The following COL5A3 variants were observed in gnomAD, a reference collection of about 807,000 sequenced individuals.
The protein encoded by COL5A3 is collagen type V alpha 3 chain, also known as collagen alpha-3(V) chain.
Under a neutral mutation model 250.0 loss-of-function variants are expected in COL5A3, and 172 were observed. The ratio of observed to expected loss-of-function variants is 0.69; its 90% CI spans 0.61 to 0.78. The LOEUF is 0.78. Among genes scored for constraint, COL5A3 ranks in the 30% least tolerant of loss-of-function variants. The probability of loss-of-function intolerance (pLI) is 0.00; values close to 1 mark genes in which losing one functional copy is unlikely to be tolerated. For synonymous variants in COL5A3, 937 were observed against 900.4 expected, an observed-to-expected ratio of 1.04 and a Z score of -0.73; for missense variants, 2,340 against 2,334.4, an observed-to-expected ratio of 1.00 and a Z score of -0.05.
intron 31 of COL5A3, among the ~76,000 whole-genome samples, chr19:9,984,338 T>C (rs951681009): frequency 2.0e-5 from 3 of 152,252 alleles, no homozygotes; most frequent in African/African-American, 7.2e-5. Flanking sequence ...TGTCTTTAGG[T>C]TCCTGCTCTA....
At chr19:9,969,949 G>GT (rs1568406786) in intron 54 of COL5A3, 27 bp from the exon 55 acceptor site, 5 of 1,610,404 alleles carry the variant, frequency 3.1e-6, no homozygotes, top group East Asian at 2.2e-5. Flanking sequence ...AGTGAGGGGG[G>GT]TCTAGGGGCT....
Position 9,969,564 on chromosome 19 carries a change from G to A in COL5A3, c.4098+11C>T, listed in dbSNP as rs371729529. The stretch of plus-strand genomic sequence containing the variant: ...ATCCACCCTGTCCCACCCCTGCCCC[G>A]CTCCACTCACCACAGGGCCAGGGAT... On this transcript the variant is annotated intron_variant, in intron 56 of 66. Coordinates refer to ENST00000264828, the MANE Select transcript of COL5A3 (RefSeq NM_015719.4). The A allele has an allele frequency of 3.6e-5, 58 of 1,609,732 alleles. No homozygotes were observed. The highest frequency in any genetic ancestry group is 9.4e-5 in the African/African-American group (7 of 74,866).
At chr19:10,004,289 G>A in intron 4 of COL5A3, 144 bp from the exon 5 acceptor site, 1 of 637,436 alleles carries the variant, frequency 1.6e-6, no homozygotes. Context: ...GTATAAGGAA[G>A]AGATGACCCC....
intron 19 of COL5A3, 41 bp downstream of exon 19, chr19:9,993,339 C>T (rs1341593210): frequency 6.8e-6 from 11 of 1,606,834 alleles, no homozygotes; most frequent in Non-Finnish European, 8.5e-6. Flanking sequence ...GGCTTCCAAA[C>T]TTACTTTCCA....
chr19:10,002,098 G>A (rs2087372002), intron 6 of COL5A3, among the ~76,000 whole-genome samples: 1 of 152,166 alleles, frequency 6.6e-6, no homozygotes, highest in East Asian at 1.9e-4. Context: ...GCTGAGTCAG[G>A]CTGGCCCTGA....
intron 8 of COL5A3, among the ~76,000 whole-genome samples, 179 bp downstream of exon 8, chr19:10,001,345 C>T (rs143208454): frequency 6.6e-5 from 10 of 152,234 alleles, no homozygotes; most frequent in African/African-American, 2.4e-4. Context: ...TGGGATTTCA[C>T]CACGTTGGTC....
chr19:10,003,804 C>CT, intron 5 of COL5A3, 90 bp from the exon 6 acceptor site: 5 of 1,529,534 alleles, frequency 3.3e-6, no homozygotes, highest in Non-Finnish European at 4.5e-6. Context: ...GCTCATGGCC[C>CT]GTGGGTCCTC....
intron 50 of COL5A3, among the ~76,000 whole-genome samples, chr19:9,973,256 T>C (rs908854278): frequency 3.3e-5 from 5 of 152,162 alleles, no homozygotes; most frequent in South Asian, 4.1e-4. Flanking sequence ...CTAGCCCATG[T>C]GCTGCCCTTG....
At chr19:9,969,275 T>C (rs2086795042) in intron 57 of COL5A3, 74 bp downstream of exon 57, 2 of 1,313,956 alleles carry the variant, frequency 1.5e-6, no homozygotes, top group East Asian at 4.6e-5. Flanking sequence ...CCTGCACCAA[T>C]GCTCACTAGG....
rs756271461 is a variant in COL5A3, at chr19:9,979,868, G to T, written c.2683C>A (p.Pro895Thr). 46 of 1,577,036 alleles carry T rather than the reference G, an allele frequency of 2.9e-5. No homozygotes were observed. Among genetic ancestry groups the T allele is most frequent in the Non-Finnish European group, 3.6e-5 (42 of 1,169,092 alleles). Residue 895 changes from proline to threonine, a missense_variant, in exon 37 of 67, where the codon CCA (proline) becomes ACA (threonine). Pro to Thr is a conservative substitution (Grantham distance 38). Transcript: ENST00000264828. ...TCTCCTCTCTGTCCAGGGTGCCCTG[G>T]TCGCCCATCTTTACCTTGGTGACCC... ...PPGHQGKDGR[P>T]GHPGQRGELG... is the part of the protein sequence containing the mutation.
chr19:9,999,288 C>G (rs1046229188), intron 8 of COL5A3, among the ~76,000 whole-genome samples: 14 of 150,876 alleles, frequency 9.3e-5, no homozygotes, highest in Admixed American at 9.3e-4. Flanking sequence ...TCTCCTCAGA[C>G]TCAGGTGATC....
At chr19:9,983,631 AAGAG>A (rs139883377) in intron 31 of COL5A3, among the ~76,000 whole-genome samples, 5 of 127,490 alleles carry the variant, frequency 3.9e-5, no homozygotes, top group South Asian at 2.4e-4. Context: ...AGAAAGAAAG[AAGAG>A]AGAGAGAGAA....
chr19:9,968,871 G>T lies in COL5A3; in HGVS notation c.4153-143C>A. The stretch of plus-strand genomic sequence containing the variant: ...ATGAGGTCAAGGGATGGTCAGAGTA[G>T]GCCACCAAGGTGGGATGATGAGAGC... On this transcript the variant is annotated intron_variant, in intron 57 of 66. Coordinates refer to ENST00000264828, the MANE Select transcript of COL5A3 (RefSeq NM_015719.4). The surrounding 1 kb of genome is among the most constrained non-coding windows in gnomAD (Gnocchi z 4.1). 1.3e-6 allele frequency: 1 copy of T among 744,222 alleles called. No individual in the cohort carries two copies. The highest frequency in any genetic ancestry group is 1.6e-5 in the South Asian group (1 of 62,162). 46.1% of individuals were successfully genotyped at this position (744,222 alleles called of 1,614,324 possible).
At chr19:9,993,560 G>A in intron 18 of COL5A3, 59 bp downstream of exon 18, 5 of 1,594,020 alleles carry the variant, frequency 3.1e-6, no homozygotes, top group Non-Finnish European at 4.3e-6. Flanking sequence ...GGAGAAGTTG[G>A]GGGGGCTTGA....
At position 9,988,915 on chromosome 19, in the gene COL5A3, C is replaced by A. The variant is rs572143032; in HGVS notation, c.2145+209G>T. Among the ~76,000 whole-genome samples, 5 of 150,932 alleles carry A rather than the reference C, an allele frequency of 3.3e-5. No homozygotes were observed. The East Asian group carries it at 9.8e-4, about 29-fold the overall frequency. ...AGAGAAAAGAAAGAAATGTGTTTGG[C>A]CTCTAATGGGCTTAGCTGTTCTAAC... On this transcript the variant is annotated intron_variant, in intron 27 of 66. Coordinates refer to ENST00000264828, the MANE Select transcript of COL5A3 (RefSeq NM_015719.4).
intron 61 of COL5A3, 75 bp from the exon 62 acceptor site, chr19:9,967,475 ACACACACTCACACACACACT>A (rs1471796522): frequency 6.9e-5 from 62 of 895,958 alleles, no homozygotes; most frequent in Non-Finnish European, 8.5e-5. Flanking sequence ...ACAAACACAC[ACACACACTCACACACACACT>A]CACACACACA....
At chr19:9,974,430 C>A in intron 45 of COL5A3, 22 bp from the exon 46 acceptor site, 1 of 1,544,240 alleles carries the variant, frequency 6.5e-7, no homozygotes, top group Non-Finnish European at 8.8e-7. Context: ...CAAACAGGGG[C>A]ACATTTAAGG....
intron 45 of COL5A3, among the ~76,000 whole-genome samples, chr19:9,975,140 T>C (rs1320550730): frequency 6.6e-6 from 1 of 151,870 alleles, no homozygotes; most frequent in Non-Finnish European, 1.5e-5. Flanking sequence ...AGTGGTGCTA[T>C]CTTGGCTCAC....
At position 9,980,065 on chromosome 19, in the gene COL5A3, A is replaced by G; in HGVS notation, c.2605-18T>C. The G allele has an allele frequency of 6.3e-7, 1 of 1,593,716 alleles. No individual in the cohort carries two copies. Among genetic ancestry groups the G allele is most frequent in the Non-Finnish European group, 8.5e-7 (1 of 1,174,498 alleles). The stretch of plus-strand genomic sequence containing the variant: ...GGGAGGCCCTGAAATGGAAACAGAA[A>G]TCATGATCTCATCCCCCCTGCCTCC... On this transcript the variant is annotated intron_variant, in intron 35 of 66. Transcript: ENST00000264828.
Sources: gnomAD v4.1 joint callset for allele counts (sites outside exome capture counted in the v4.1 genomes callset) on GRCh38, gnomAD v4.1.1 for gene constraint, Gnocchi (gnomAD v3.1) non-coding constraint, MANE v1.5 for transcripts, NCBI Gene and HGNC (gene_info 2026-07-23, HGNC 2026-07-21) for gene names.